PRH1: variants seen among roughly 807,000 people sequenced by gnomAD.
PRH1 encodes salivary acidic proline-rich phosphoprotein 1/2.
A neutral mutation model predicts 7.9 loss-of-function variants in PRH1; 7 were observed. That is an observed-to-expected ratio of 0.89 (90% CI 0.50 to 1.67). PRH1 has a LOEUF of 1.67. Among genes scored for constraint, PRH1 ranks in the 40% most tolerant of loss-of-function variants. PRH1 has a pLI of 0.00. For missense variants in PRH1, 109 were observed against 223.6 expected (o/e 0.49, Z 3.27); for synonymous variants, 45 against 80.8 (o/e 0.56, Z 2.38).
chr12:11,119,594 A>C (rs1945834870), downstream of PRH1, among the ~76,000 whole-genome samples: 2 of 152,178 alleles, frequency 1.3e-5, no homozygotes, highest in Non-Finnish European at 2.9e-5. Flanking sequence ...AGAAATTCCT[A>C]AACTTCCCAT....
At chr12:10,931,075 T>C (rs1389606950) in intron 2 of PRH1, 1 of 1,549,854 alleles carries the variant, frequency 6.5e-7, no homozygotes, top group East Asian at 2.2e-5. Context: ...TAGGATTCAA[T>C]GATAGGTATG....
chr12:10,911,939 G>A (rs559915277), intron 2 of PRH1, among the ~76,000 whole-genome samples: 2 of 152,134 alleles, frequency 1.3e-5, no homozygotes, highest in East Asian at 1.9e-4. Flanking sequence ...TTCAAATCAC[G>A]TTATTGTTTA....
At chr12:11,146,266 G>T in intron 1 of PRH1, among the ~76,000 whole-genome samples, 1 of 117,474 alleles carries the variant, frequency 8.5e-6, no homozygotes, top group Non-Finnish European at 2.0e-5. Flanking sequence ...TATTCTTCTA[G>T]GTAGTTTTTT....
chr12:10,973,471 T>C (rs891756755), intron 2 of PRH1: 1 of 452,846 alleles, frequency 2.2e-6, no homozygotes, highest in South Asian at 5.1e-5. Flanking sequence ...TTACAACTAC[T>C]ATCAGCCTTA....
Position 11,123,962 on chromosome 12 carries a change from G to T in PRH1, n.40-2782C>A, listed in dbSNP as rs1055800257. On this transcript the variant is annotated intron_variant and non_coding_transcript_variant, in intron 1 of 1. Coordinates refer to the PRH1 transcript ENST00000541175. ...TTTTAAAAGTGTTTTTGATTTTGGG[G>T]TTTTTTGTTTTCTGTTTTAGTATGT... Among the ~76,000 whole-genome samples the T allele has an allele frequency of 6.6e-5, 10 of 152,212 alleles. No homozygotes were observed. In the East Asian group the frequency reaches 7.7e-4, roughly 12 times the overall value.
At chr12:10,909,971 G>A (rs1949871413) in intron 2 of PRH1, among the ~76,000 whole-genome samples, 2 of 152,090 alleles carry the variant, frequency 1.3e-5, no homozygotes, top group African/African-American at 4.8e-5. Flanking sequence ...GGCACCAAAT[G>A]CCTTCACATT....
intron 2 of PRH1, among the ~76,000 whole-genome samples, chr12:10,943,834 T>C (rs1034286146): frequency 1.3e-5 from 2 of 152,220 alleles, no homozygotes. Flanking sequence ...GAAGTCTTGT[T>C]CCCATAGCTT....
chr12:11,120,278 TTGA>T (rs1322573983), downstream of PRH1, among the ~76,000 whole-genome samples: 1 of 152,240 alleles, frequency 6.6e-6, no homozygotes, highest in Non-Finnish European at 1.5e-5. Context: ...CTCACTGTGC[TTGA>T]TGATAACTGA....
At chr12:10,925,138 G>A (rs1465863283) in intron 2 of PRH1, among the ~76,000 whole-genome samples, 1 of 152,188 alleles carries the variant, frequency 6.6e-6, no homozygotes, top group African/African-American at 2.4e-5. Flanking sequence ...CCACTGCAGA[G>A]AGCTTTCTTC....
At chr12:11,064,199 T>C (rs757357907) in intron 1 of PRH1, among the ~76,000 whole-genome samples, 1 of 152,186 alleles carries the variant, frequency 6.6e-6, no homozygotes, top group Non-Finnish European at 1.5e-5. Flanking sequence ...CTTTACACTT[T>C]ACCAACTAGG....
chr12:10,933,370 A>G (rs1369113281), intron 2 of PRH1, among the ~76,000 whole-genome samples: 2 of 152,098 alleles, frequency 1.3e-5, no homozygotes, highest in African/African-American at 4.8e-5. Context: ...ATTAACAGGC[A>G]GTCCTTTAGT....
chr12:10,940,396 A>G (rs1346599246), intron 2 of PRH1, among the ~76,000 whole-genome samples: 1 of 152,222 alleles, frequency 6.6e-6, no homozygotes, highest in Non-Finnish European at 1.5e-5. Flanking sequence ...AAATAGTAAT[A>G]CATGTAAATA....
intron 2 of PRH1, among the ~76,000 whole-genome samples, chr12:10,949,836 T>C (rs998745823): frequency 1.3e-5 from 2 of 152,158 alleles, no homozygotes; most frequent in Non-Finnish European, 2.9e-5. Context: ...GTTGATATTG[T>C]TTCTCTTTAG....
In PRH1 at chr12:10,975,197, A is replaced by T. The variant is rs575786035; in HGVS notation, c.-125-1476T>A. Among the ~76,000 whole-genome samples, 11 of 152,312 alleles carry T rather than the reference A, an allele frequency of 7.2e-5. No individual in the cohort carries two copies. The East Asian group carries it at 2.1e-3, about 29-fold the overall frequency. The stretch of plus-strand genomic sequence containing the variant: ...AAAGGACAGATCACCTACAAAGGGA[A>T]CCCCATCAGGCTAACAATGGACCTT... On this transcript the variant is annotated intron_variant, in intron 1 of 3. Coordinates refer to the PRH1 transcript ENST00000539853.
At chr12:11,166,677 A>G (rs1315214048) in intron 1 of PRH1, among the ~76,000 whole-genome samples, 2 of 152,270 alleles carry the variant, frequency 1.3e-5, no homozygotes, top group Non-Finnish European at 2.9e-5. Context: ...TTAAAACTTA[A>G]GAAGATTTTG....
At chr12:10,898,570 A>G (rs569178276) in intron 2 of PRH1, among the ~76,000 whole-genome samples, 1 of 152,358 alleles carries the variant, frequency 6.6e-6, no homozygotes, top group Admixed American at 6.5e-5. Flanking sequence ...GCCCTTAATA[A>G]GTTGACATTC....
chr12:11,156,787 C>T (rs1253710351), intron 1 of PRH1, among the ~76,000 whole-genome samples: 1 of 150,672 alleles, frequency 6.6e-6, no homozygotes, highest in African/African-American at 2.4e-5. Flanking sequence ...GTAAACTTGA[C>T]AAGAAAATAC....
At chr12:10,896,695 G>C (rs1415404038) in intron 2 of PRH1, 1 of 144,104 alleles carries the variant, frequency 6.9e-6, no homozygotes, top group African/African-American at 2.5e-5. Context: ...CCAGGAGGCA[G>C]ATGTTGCAGT....
At chr12:10,957,557 ATT>A (rs1938033087) in intron 2 of PRH1, among the ~76,000 whole-genome samples, 1 of 152,218 alleles carries the variant, frequency 6.6e-6, no homozygotes, top group Admixed American at 6.5e-5. Flanking sequence ...AGAAACAAAA[ATT>A]GAAAAGTGGA....
Sources: gnomAD v4.1 joint callset for allele counts (sites outside exome capture counted in the v4.1 genomes callset) on GRCh38, gnomAD v4.1.1 for gene constraint, MANE v1.5 for transcripts, NCBI Gene and HGNC (gene_info 2026-07-23, HGNC 2026-07-21) for gene names.